Variants in LNX1 observed in about 807,000 individuals in gnomAD.
The protein encoded by LNX1 is ligand of numb-protein X 1.
A neutral mutation model predicts 68.4 loss-of-function variants in LNX1; 54 were observed. The observed-to-expected ratio is 0.79, with a 90% CI of 0.63 to 0.99. The LOEUF is 0.99. Ranked by LOEUF, LNX1 falls within the 50% of genes least tolerant of loss-of-function variation. The probability of loss-of-function intolerance (pLI) is 0.00; values close to 1 mark genes in which losing one functional copy is unlikely to be tolerated. For synonymous variants in LNX1, 336 were observed against 350.0 expected (o/e 0.96, Z 0.45); for missense variants, 906 against 926.4 (o/e 0.98, Z 0.29).
At chr4:53,491,885 C>A (rs1281577804) in intron 6 of LNX1, among the ~76,000 whole-genome samples, 8 of 151,308 alleles carry the variant, frequency 5.3e-5, no homozygotes, top group African/African-American at 1.9e-4. Flanking sequence ...GCAACCTTCA[C>A]CTCCCGGGTT....
chr4:53,477,123 G>C, intron 8 of LNX1, 142 bp from the exon 9 acceptor site: 1 of 729,410 alleles, frequency 1.4e-6, no homozygotes, highest in Non-Finnish European at 2.4e-6. Context: ...GAGGCTGGGT[G>C]CTCACATAGC....
At chr4:53,463,643 A>AAGG (rs56852804) in intron 9 of LNX1, among the ~76,000 whole-genome samples, 1 of 151,546 alleles carries the variant, frequency 6.6e-6, no homozygotes, top group Admixed American at 6.6e-5. Flanking sequence ...CCTATCGAAG[A>AAGG]TTTGGCATAG....
At chr4:53,590,606 C>T (rs1323882456) in intron 1 of LNX1, among the ~76,000 whole-genome samples, 2 of 151,992 alleles carry the variant, frequency 1.3e-5, no homozygotes, top group Admixed American at 6.6e-5. Context: ...ACAACTTCCT[C>T]GGTATATTTG....
intron 2 of LNX1, among the ~76,000 whole-genome samples, chr4:53,537,122 T>C (rs1728430797): frequency 6.6e-6 from 1 of 152,244 alleles, no homozygotes; most frequent in Non-Finnish European, 1.5e-5. Flanking sequence ...GTATGAGTAC[T>C]GATTTTCCTG....
chr4:53,546,349 A>C (rs868781785), intron 2 of LNX1, among the ~76,000 whole-genome samples: 5 of 152,196 alleles, frequency 3.3e-5, no homozygotes, highest in Non-Finnish European at 5.9e-5. Flanking sequence ...GTCAGACTCC[A>C]TCAGAGGATG....
chr4:53,651,174 CA>C (rs1735082904), intron 1 of LNX1, among the ~76,000 whole-genome samples: 2 of 152,032 alleles, frequency 1.3e-5, no homozygotes, highest in Non-Finnish European at 2.9e-5. Context: ...TTGGTGTAAG[CA>C]AATGTTCACT....
intron 2 of LNX1, among the ~76,000 whole-genome samples, chr4:53,561,121 G>A (rs1730257356): frequency 6.6e-6 from 1 of 152,220 alleles, no homozygotes; most frequent in Admixed American, 6.5e-5. Context: ...GAAGGTCACA[G>A]TAAGGATGTA....
chr4:53,507,520 C>T, intron 3 of LNX1, 51 bp from the exon 4 acceptor site: 1 of 1,552,512 alleles, frequency 6.4e-7, no homozygotes, highest in Non-Finnish European at 8.9e-7. Flanking sequence ...TAGAAATAAT[C>T]ATTTATGTAC....
At chr4:53,508,422 T>G in intron 2 of LNX1, 195 bp from the exon 3 acceptor site, 1 of 622,656 alleles carries the variant, frequency 1.6e-6, no homozygotes, top group Non-Finnish European at 2.6e-6. Flanking sequence ...AGTGAATTCA[T>G]AATTTGAGAT....
rs1721876159 is a variant in LNX1 at position 53,460,760 on chromosome 4, ACTGGCTTTCATTAGATGATC to A, written c.*127_*146del. On this transcript the variant is annotated 3_prime_UTR_variant, in exon 11 of 11. Transcript: ENST00000263925. Reference sequence around the variant, plus strand: ...TTGGAATCATATTTTCTGAGGTGTAACTGGCTTTCATTAGATGATCATACTTTTCCTGACATTTTTACAAT... The same window carrying A: ...TTGGAATCATATTTTCTGAGGTGTAAATACTTTTCCTGACATTTTTACAAT... 7 of 794,274 alleles carry A rather than the reference ACTGGCTTTCATTAGATGATC, an allele frequency of 8.8e-6. No homozygotes were observed. The highest frequency in any genetic ancestry group is 1.4e-5 in the Non-Finnish European group (7 of 512,558). The allele number at this position is 794,274 out of a possible 1,614,324, so 49.2% of individuals were successfully genotyped here.
intron 2 of LNX1, among the ~76,000 whole-genome samples, chr4:53,540,207 C>A (rs1280573038): frequency 6.6e-6 from 1 of 151,982 alleles, no homozygotes; most frequent in Non-Finnish European, 1.5e-5. Context: ...CATGGCAAAA[C>A]CCTGTCTCTA....
intron 2 of LNX1, among the ~76,000 whole-genome samples, chr4:53,561,110 A>G (rs1730256916): frequency 1.3e-5 from 2 of 152,382 alleles, no homozygotes; most frequent in Non-Finnish European, 2.9e-5. Flanking sequence ...GTTCAGAGTT[A>G]GAAGGTCACA....
chr4:53,475,969 G>A (rs1367784621), intron 9 of LNX1, among the ~76,000 whole-genome samples: 6 of 152,138 alleles, frequency 3.9e-5, no homozygotes, highest in African/African-American at 1.4e-4. Context: ...GAAGTGCTCT[G>A]GGGCATTGTT....
rs1553927580 is a variant in LNX1, at chr4:53,460,246, G to GAA, written c.*659_*660dup. On this transcript the variant is annotated 3_prime_UTR_variant, in exon 11 of 11. Transcript: ENST00000263925. ...TTTTATACAGTTACTAACGATTGTGGAAAAAAAGAGCTTTAGCCATTTCTT... is the reference window on the plus strand; with the variant it reads ...TTTTATACAGTTACTAACGATTGTGGAAAAAAAAAGAGCTTTAGCCATTTCTT... 1.0e-5 allele frequency: 2 copies of GAA among 192,780 alleles called. No homozygotes were observed. Among genetic ancestry groups the GAA allele is most frequent in the Non-Finnish European group, 2.2e-5 (2 of 92,454 alleles). 11.9% of individuals were successfully genotyped at this position (192,780 alleles called of 1,614,324 possible).
Position 53,476,911 on chromosome 4 carries a change from CAAT to C in LNX1, c.1731_1733del (p.Leu578del), listed in dbSNP as rs994588495. ...GTACTATCGAGGATGATGTTCTTTT[CAAT>C]AATGCCACTGCCTCACTCCGGCTGA... On this transcript the variant is annotated inframe_deletion, in exon 9 of 11. Transcript: ENST00000263925. 3 of 1,614,096 alleles carry C rather than the reference CAAT, an allele frequency of 1.9e-6. No individual in the cohort carries two copies. The highest frequency in any genetic ancestry group is 2.5e-6 in the Non-Finnish European group (3 of 1,180,050).
At chr4:53,531,811 G>C (rs1728041854) in intron 2 of LNX1, among the ~76,000 whole-genome samples, 1 of 152,180 alleles carries the variant, frequency 6.6e-6, no homozygotes, top group Non-Finnish European at 1.5e-5. Context: ...TTCTAAGAGA[G>C]ATCTTAGGAC....
At chr4:53,462,101 C>T (rs1304388073) in intron 9 of LNX1, among the ~76,000 whole-genome samples, 30 of 152,074 alleles carry the variant, frequency 2.0e-4, no homozygotes, top group Admixed American at 1.4e-3. Context: ...CCCAGTGCTA[C>T]GTTTGATAAG....
intron 2 of LNX1, among the ~76,000 whole-genome samples, chr4:53,557,323 A>G (rs888267695): frequency 3.9e-5 from 6 of 152,240 alleles, no homozygotes; most frequent in African/African-American, 1.4e-4. Context: ...AAATCAAGGC[A>G]ATGGAAATAT....
intron 2 of LNX1, among the ~76,000 whole-genome samples, chr4:53,556,816 C>T (rs1729945585): frequency 1.3e-5 from 2 of 152,166 alleles, no homozygotes; most frequent in Non-Finnish European, 2.9e-5. Context: ...ACAAAGGAGG[C>T]ACGGGCTACC....
Sources: allele counts gnomAD v4.1 joint callset (sites outside exome capture counted in the v4.1 genomes callset), GRCh38; gene constraint gnomAD v4.1.1; transcripts MANE v1.5; gene names NCBI Gene and HGNC (gene_info 2026-07-23, HGNC 2026-07-21).